ADAM19: variants seen among roughly 807,000 people sequenced by gnomAD.
The protein encoded by ADAM19 is ADAM metallopeptidase domain 19, also known as disintegrin and metalloproteinase domain-containing protein 19.
A neutral mutation model predicts 114.7 loss-of-function variants in ADAM19; 65 were observed. That is an observed-to-expected ratio of 0.57 (90% CI 0.46 to 0.70). The LOEUF (loss-of-function observed/expected upper bound fraction) is 0.70, where lower values mean the gene tolerates loss of function less well. Ranked by LOEUF, ADAM19 falls within the 30% of genes least tolerant of loss-of-function variation. The pLI is 0.00. For missense variants in ADAM19, 1,063 were observed against 1,204.7 expected (o/e 0.88, Z 1.74); for synonymous variants, 466 against 460.5 (o/e 1.01, Z -0.15).
intron 7 of ADAM19, among the ~76,000 whole-genome samples, chr5:157,516,007 C>T (rs1000380486): frequency 3.9e-5 from 6 of 152,234 alleles, no homozygotes; most frequent in Admixed American, 6.5e-5. Context: ...ACTTTCTGCT[C>T]TGCATTCAGA....
chr5:157,506,909 G>T (rs1043142256), intron 10 of ADAM19, 147 bp downstream of exon 10: 3 of 649,996 alleles, frequency 4.6e-6, no homozygotes, highest in East Asian at 2.9e-5. Flanking sequence ...AGAACTTAAT[G>T]ACTTCATTTT....
intron 3 of ADAM19, among the ~76,000 whole-genome samples, chr5:157,541,013 G>A (rs1245094872): frequency 6.6e-6 from 1 of 152,136 alleles, no homozygotes; most frequent in Non-Finnish European, 1.5e-5. Context: ...AGAAACTCTA[G>A]GGTTAGGGCC....
At chr5:157,489,249 A>T in intron 19 of ADAM19, 63 bp from the exon 20 acceptor site, 1 of 1,245,742 alleles carries the variant, frequency 8.0e-7, no homozygotes, top group Middle Eastern at 2.0e-4. Context: ...ACAGTGCCTG[A>T]GTTCCCTTTG....
chr5:157,507,685 T>C (rs1322791811), intron 9 of ADAM19, among the ~76,000 whole-genome samples: 1 of 152,216 alleles, frequency 6.6e-6, no homozygotes, highest in African/African-American at 2.4e-5. Flanking sequence ...CTGTGCCCCA[T>C]CAGGAGCCTC....
chr5:157,487,783 T>C (rs1754993184), intron 21 of ADAM19, among the ~76,000 whole-genome samples: 1 of 152,150 alleles, frequency 6.6e-6, no homozygotes, highest in Non-Finnish European at 1.5e-5. Flanking sequence ...ATAGGTACAA[T>C]TTGGTAGGAA....
chr5:157,518,608 T>A (rs188882770), intron 7 of ADAM19, among the ~76,000 whole-genome samples: 1 of 152,350 alleles, frequency 6.6e-6, no homozygotes, highest in East Asian at 1.9e-4. Flanking sequence ...GGTCTCAAAC[T>A]CCTGACCTCA....
chr5:157,499,428 A>G, intron 13 of ADAM19, 145 bp downstream of exon 13: 1 of 718,360 alleles, frequency 1.4e-6, no homozygotes, highest in Non-Finnish European at 2.5e-6. Context: ...TATTCAAGGC[A>G]CCTTTTCCGC....
At chr5:157,504,795 C>T (rs1328598722) in intron 11 of ADAM19, among the ~76,000 whole-genome samples, 1 of 151,982 alleles carries the variant, frequency 6.6e-6, no homozygotes, top group African/African-American at 2.4e-5. Context: ...TTTGAAGAAA[C>T]TCCCTAATTC....
intron 3 of ADAM19, among the ~76,000 whole-genome samples, chr5:157,542,699 G>GGAGGCT (rs1289273720): frequency 1.8e-4 from 28 of 152,258 alleles, no homozygotes; most frequent in Non-Finnish European, 3.7e-4. Flanking sequence ...CAGCTACTCA[G>GGAGGCT]GAGGCTGAGG....
intron 5 of ADAM19, among the ~76,000 whole-genome samples, chr5:157,525,140 A>AG (rs1756417205): frequency 6.6e-6 from 1 of 152,258 alleles, no homozygotes; most frequent in African/African-American, 2.4e-5. Flanking sequence ...GGTTTAAACC[A>AG]GGAAGTGTCT....
At chr5:157,494,643 G>C (rs11466784) in intron 15 of ADAM19, 44 bp downstream of exon 15, 2 of 1,546,050 alleles carry the variant, frequency 1.3e-6, no homozygotes, top group South Asian at 1.1e-5. Flanking sequence ...AGCAGAAACT[G>C]CTTGTTCATC....
intron 21 of ADAM19, among the ~76,000 whole-genome samples, chr5:157,486,445 C>T (rs10052412): frequency 0.12 from 17,986 of 152,098 alleles, 1,167 homozygotes; most frequent in Middle Eastern, 0.16. Context: ...CTGCCACTGG[C>T]TGGGCAGCTT....
chr5:157,485,759 A>G (rs764886817), intron 21 of ADAM19, among the ~76,000 whole-genome samples: 2 of 152,204 alleles, frequency 1.3e-5, no homozygotes, highest in Non-Finnish European at 2.9e-5. Flanking sequence ...AGCCTGGTTA[A>G]GTCCTGTTCC....
At chr5:157,547,180 T>C (rs1418865217) in intron 3 of ADAM19, among the ~76,000 whole-genome samples, 2 of 152,226 alleles carry the variant, frequency 1.3e-5, no homozygotes, top group African/African-American at 2.4e-5. Flanking sequence ...AATTATTACC[T>C]AGTCTAATTA....
chr5:157,540,833 A>G lies in ADAM19; in HGVS notation c.252-2842T>C, dbSNP rs1051984807. Among the ~76,000 whole-genome samples, 9 of 152,198 alleles carry G rather than the reference A, an allele frequency of 5.9e-5. No homozygotes were observed. The South Asian group carries it at 1.9e-3, about 32-fold the overall frequency. On this transcript the variant is annotated intron_variant, in intron 3 of 22. Coordinates refer to ENST00000257527, the MANE Select transcript of ADAM19 (RefSeq NM_033274.5). ...TGTTTTACTCCGGATTAAAAACTAC[A>G]CCTCTGTCACTGGCACCCACAGGCC...
intron 19 of ADAM19, 84 bp from the exon 20 acceptor site, chr5:157,489,270 G>A (rs914811950): frequency 1.4e-5 from 14 of 981,892 alleles, no homozygotes; most frequent in East Asian, 2.5e-5. Context: ...ACCCAAGCAC[G>A]GCCAGCAAGC....
At chr5:157,563,865 G>A (rs970561691) in intron 3 of ADAM19, among the ~76,000 whole-genome samples, 4 of 152,202 alleles carry the variant, frequency 2.6e-5, no homozygotes, top group Admixed American at 1.3e-4. Context: ...AGCCGGGCCC[G>A]ATGTAGCCAG....
intron 8 of ADAM19, 142 bp from the exon 9 acceptor site, chr5:157,509,609 C>T: frequency 1.4e-6 from 1 of 722,636 alleles, no homozygotes; most frequent in Non-Finnish European, 2.0e-6. Context: ...AAAAAAGCTC[C>T]TTCCTAGCCT....
At chr5:157,535,083 A>G (rs1320770862) in intron 4 of ADAM19, among the ~76,000 whole-genome samples, 1 of 152,208 alleles carries the variant, frequency 6.6e-6, no homozygotes, top group Non-Finnish European at 1.5e-5. Context: ...TCCCATAAAA[A>G]TTAGTGATTC....
Sources: gnomAD v4.1 joint callset for allele counts (sites outside exome capture counted in the v4.1 genomes callset) on GRCh38, gnomAD v4.1.1 for gene constraint, MANE v1.5 for transcripts, NCBI Gene and HGNC (gene_info 2026-07-23, HGNC 2026-07-21) for gene names.